The following TENM4 variants were observed in gnomAD, a reference collection of about 807,000 sequenced individuals.
TENM4 encodes the protein teneurin transmembrane protein 4, also known as teneurin-4.
In TENM4, 82 loss-of-function variants were observed where a neutral mutation model predicts 243.3. The ratio of observed to expected loss-of-function variants is 0.34; its 90% CI spans 0.28 to 0.40. The LOEUF is 0.40. Ranked by LOEUF, TENM4 falls within the 10% of genes least tolerant of loss-of-function variation. TENM4 has a pLI of 1.00. For missense variants in TENM4, 3,138 were observed against 3,673.3 expected (o/e 0.85, Z 3.77); for synonymous variants, 1,412 against 1,456.3 (o/e 0.97, Z 0.69).
chr11:78,770,514 A>G (rs1318697526), intron 18 of TENM4, among the ~76,000 whole-genome samples: 1 of 152,228 alleles, frequency 6.6e-6, no homozygotes, highest in Non-Finnish European at 1.5e-5. Flanking sequence ...TTCTATTACA[A>G]AAGGTGTCTG....
rs1401257467 is a variant in TENM4, at chr11:79,168,694, C to T, written c.-162-19888G>A. On this transcript the variant is annotated intron_variant, in intron 3 of 33. Transcript: ENST00000278550. Reference sequence around the variant, plus strand: ...AATTCTTCCCCCCTTATATCCACACCCCTTTGCAATGTGACTCTGTAGCTC... The same window carrying T: ...AATTCTTCCCCCCTTATATCCACACTCCTTTGCAATGTGACTCTGTAGCTC... 2.0e-5 allele frequency among the ~76,000 whole-genome samples: 3 copies of T among 152,160 alleles called. No homozygotes were observed. In the East Asian group the frequency reaches 5.8e-4, roughly 29 times the overall value.
At chr11:79,396,677 C>T (rs75996721) in intron 1 of TENM4, among the ~76,000 whole-genome samples, 2,844 of 152,280 alleles carry the variant, frequency 0.019, 99 homozygotes, top group African/African-American at 0.066. Flanking sequence ...CAAGCCAAAG[C>T]GTCCACTTCC....
At chr11:79,075,366 A>G (rs1346967519) in intron 4 of TENM4, among the ~76,000 whole-genome samples, 1 of 152,222 alleles carries the variant, frequency 6.6e-6, no homozygotes, top group Admixed American at 6.5e-5. Context: ...GGCTAGGAGT[A>G]AGGCCTGTCC....
At chr11:79,272,192 T>C (rs575837025) in intron 2 of TENM4, among the ~76,000 whole-genome samples, 27 of 152,190 alleles carry the variant, frequency 1.8e-4, no homozygotes, top group Non-Finnish European at 3.5e-4. Context: ...CTCACAAGTT[T>C]CTAGCTGCTG....
chr11:79,077,049 G>A (rs1382617616), intron 4 of TENM4, among the ~76,000 whole-genome samples: 1 of 152,074 alleles, frequency 6.6e-6, no homozygotes, highest in Non-Finnish European at 1.5e-5. Flanking sequence ...AGTTCCATAG[G>A]CTCATTCATT....
intron 1 of TENM4, among the ~76,000 whole-genome samples, chr11:79,309,951 G>A (rs932088322): frequency 1.3e-5 from 2 of 152,204 alleles, no homozygotes; most frequent in African/African-American, 4.8e-5. Flanking sequence ...GGGTCTGCCT[G>A]TGGGAGCCTG....
chr11:78,904,359 C>CAAA (rs61503457), intron 6 of TENM4, among the ~76,000 whole-genome samples: 1 of 77,268 alleles, frequency 1.3e-5, no homozygotes, highest in African/African-American at 7.6e-5. Context: ...GACTCTGTCT[C>CAAA]AAAAAAAAAA....
intron 7 of TENM4, among the ~76,000 whole-genome samples, chr11:78,899,851 T>C (rs1244083633): frequency 1.3e-5 from 2 of 152,188 alleles, no homozygotes; most frequent in Non-Finnish European, 1.5e-5. Context: ...CAGAAGCAGA[T>C]GCTTGTGTCA....
chr11:78,817,988 A>C (rs574298245), intron 12 of TENM4, among the ~76,000 whole-genome samples: 1 of 152,168 alleles, frequency 6.6e-6, no homozygotes, highest in Admixed American at 6.5e-5. Flanking sequence ...CCTCCCTCTT[A>C]TTAAAATACC....
chr11:79,078,207 G>T (rs538036623), intron 4 of TENM4, among the ~76,000 whole-genome samples: 1 of 152,296 alleles, frequency 6.6e-6, no homozygotes, highest in African/African-American at 2.4e-5. Flanking sequence ...CCAGGAAATT[G>T]ACTGAATTCC....
chr11:79,411,428 A>G (rs1222790899), intron 1 of TENM4, among the ~76,000 whole-genome samples: 1 of 152,224 alleles, frequency 6.6e-6, no homozygotes, highest in Non-Finnish European at 1.5e-5. Flanking sequence ...ACTGAGACTC[A>G]GAACATGATA....
intron 1 of TENM4, among the ~76,000 whole-genome samples, chr11:79,439,927 C>G (rs1342348969): frequency 6.6e-6 from 1 of 151,938 alleles, no homozygotes; most frequent in Admixed American, 6.6e-5. Flanking sequence ...GCCGGGCGCC[C>G]GGTGAGGAGA....
chr11:78,821,655 T>C (rs1857736384), intron 12 of TENM4, among the ~76,000 whole-genome samples: 1 of 152,218 alleles, frequency 6.6e-6, no homozygotes, highest in South Asian at 2.1e-4. Flanking sequence ...ATTAAAGAAC[T>C]TGAAACCACA....
At chr11:79,072,509 T>A (rs937864032) in intron 4 of TENM4, among the ~76,000 whole-genome samples, 1 of 152,030 alleles carries the variant, frequency 6.6e-6, no homozygotes, top group Admixed American at 6.5e-5. Flanking sequence ...AATTACAATA[T>A]CTTACATAAT....
intron 6 of TENM4, among the ~76,000 whole-genome samples, chr11:79,059,722 C>G (rs959186545): frequency 6.6e-6 from 1 of 152,202 alleles, no homozygotes; most frequent in African/African-American, 2.4e-5. Context: ...AACTGAAAAT[C>G]TGTACCCATT....
chr11:79,119,961 C>T (rs569462526), intron 4 of TENM4, among the ~76,000 whole-genome samples: 7 of 152,290 alleles, frequency 4.6e-5, no homozygotes, highest in Non-Finnish European at 7.4e-5. Context: ...TGACATATTC[C>T]GTTGGCACCA....
intron 4 of TENM4, among the ~76,000 whole-genome samples, chr11:79,102,560 T>C: frequency 6.6e-6 from 1 of 152,192 alleles, no homozygotes; most frequent in East Asian, 1.9e-4. Context: ...TGGACATCTG[T>C]GAGATGTTAT....
rs1224178847 is a variant in TENM4, at chr11:78,669,786, C to T, written c.6559G>A (p.Ala2187Thr). ...VKKELKVGPY[A>T]NTTRYSYEYD... ...TCATAGGAGTAGCGAGTGGTATTGG[C>T]GTAGGGTCCTACCTTCAGCTCCTTC... The change falls in exon 32 of 34, where the codon GCC becomes ACC. Residue 2187 changes from alanine to threonine, a missense_variant. This residue lies in a region of TENM4 where 2,467 missense variants were observed against 3,059.1 expected (regional missense o/e 0.81). Coordinates refer to ENST00000278550, the MANE Select transcript of TENM4 (RefSeq NM_001098816.3). This position sits in a 1 kb window ranked among gnomAD's most constrained non-coding sequence, Gnocchi z 6.4. 26 of 1,613,928 alleles carry T rather than the reference C, an allele frequency of 1.6e-5. No homozygotes were observed. Among genetic ancestry groups the T allele is most frequent in the East Asian group, 2.2e-5 (1 of 44,876 alleles).
intron 12 of TENM4, among the ~76,000 whole-genome samples, chr11:78,843,955 C>A (rs1030172513): frequency 6.6e-6 from 1 of 152,186 alleles, no homozygotes; most frequent in African/African-American, 2.4e-5. Flanking sequence ...TGATGCCTGA[C>A]CTTCTTGCTA....
Sources: allele counts gnomAD v4.1 joint callset (sites outside exome capture counted in the v4.1 genomes callset), GRCh38; gene constraint gnomAD v4.1.1; regional missense constraint gnomAD v4.1.1; non-coding constraint Gnocchi (gnomAD v3.1); transcripts MANE v1.5; gene names NCBI Gene and HGNC (gene_info 2026-07-23, HGNC 2026-07-21).